The following ZNF608 variants were observed in gnomAD, a reference collection of about 807,000 sequenced individuals.
The protein encoded by ZNF608 is renal carcinoma antigen NY-REN-36.
In ZNF608, 12 loss-of-function variants were observed where a neutral mutation model predicts 109.0. The ratio of observed to expected loss-of-function variants is 0.11; its 90% CI spans 0.07 to 0.18. The LOEUF (loss-of-function observed/expected upper bound fraction) is 0.18. Among genes scored for constraint, ZNF608 ranks in the 10% least tolerant of loss-of-function variants. The pLI, the probability that ZNF608 is intolerant of heterozygous loss-of-function variation, is 1.00. For synonymous variants in ZNF608, 732 were observed against 717.4 expected (o/e 1.02, Z -0.33); for missense variants, 1,707 against 1,879.3 (o/e 0.91, Z 1.70).
intron 3 of ZNF608, among the ~76,000 whole-genome samples, chr5:124,679,484 C>T (rs1045428650): frequency 6.7e-6 from 1 of 148,580 alleles, no homozygotes; most frequent in African/African-American, 2.5e-5. Context: ...TCAGACAACA[C>T]ATATTTATTG....
intron 3 of ZNF608, among the ~76,000 whole-genome samples, chr5:124,687,242 A>G (rs566331304): frequency 2.4e-4 from 37 of 152,322 alleles, no homozygotes; most frequent in Admixed American, 1.4e-3. Context: ...CAGTTTTTCC[A>G]TAAGAATAAT....
At chr5:124,736,237 A>G (rs1043848540) in intron 2 of ZNF608, among the ~76,000 whole-genome samples, 7 of 152,256 alleles carry the variant, frequency 4.6e-5, no homozygotes, top group Admixed American at 6.5e-5. Flanking sequence ...ATAAGCCTAT[A>G]ATAAAGCACA....
At chr5:124,674,044 A>G (rs1255254988) in intron 3 of ZNF608, among the ~76,000 whole-genome samples, 1 of 152,184 alleles carries the variant, frequency 6.6e-6, no homozygotes, top group Non-Finnish European at 1.5e-5. Context: ...ATAATTCTAG[A>G]AGTGGAATAT....
At chr5:124,746,689 A>G, upstream of ZNF608, 1 of 985,374 alleles carries the variant, frequency 1.0e-6, no homozygotes, top group Non-Finnish European at 1.2e-6. Flanking sequence ...GGAAGAAAGA[A>G]TAAGAAGAAA....
chr5:124,733,408 G>C (rs1184056514), intron 2 of ZNF608, among the ~76,000 whole-genome samples: 2 of 152,042 alleles, frequency 1.3e-5, no homozygotes, highest in African/African-American at 2.4e-5. Context: ...ACAATGAGGA[G>C]CTGTGTGTAG....
chr5:124,711,892 G>T (rs2149867272), intron 2 of ZNF608, among the ~76,000 whole-genome samples: 1 of 152,284 alleles, frequency 6.6e-6, no homozygotes, highest in South Asian at 2.1e-4. Flanking sequence ...TAAAGTAGGG[G>T]CACGGAAGGA....
rs778245951 is a variant in ZNF608 at position 124,744,490 on chromosome 5, C to A, written c.500G>T (p.Ser167Ile). Residue 167 changes from serine to isoleucine, a missense_variant, in exon 2 of 10, where the codon AGC (serine) becomes ATC (isoleucine). Ser to Ile is a moderately radical substitution (Grantham distance 142). This residue lies in a region of ZNF608 where 407 missense variants were observed against 398.7 expected (regional missense o/e 1.02). Transcript: ENST00000513986. This position sits in a 1 kb window ranked among gnomAD's most constrained non-coding sequence, Gnocchi z 4.5. ...AGAGGTGCTGGTGCTGGTACTATTG[C>A]TGTTTGGGTTGCCGCTGCCGCCGCT... The part of the protein sequence containing the change: ...VSSGGSGNPN[S>I]NSTSTSTSAA... The A allele has an allele frequency of 1.9e-6, 3 of 1,614,094 alleles. No individual in the cohort carries two copies. The highest frequency in any genetic ancestry group is 2.5e-6 in the Non-Finnish European group (3 of 1,180,046).
intron 7 of ZNF608, among the ~76,000 whole-genome samples, chr5:124,643,254 C>T (rs1750329156): frequency 6.6e-6 from 1 of 152,094 alleles, no homozygotes; most frequent in South Asian, 2.1e-4. Flanking sequence ...ACCTAACAAC[C>T]ATCCTCCTGG....
At chr5:124,682,761 T>C (rs146902261) in intron 3 of ZNF608, among the ~76,000 whole-genome samples, 51 of 152,298 alleles carry the variant, frequency 3.3e-4, no homozygotes, top group Non-Finnish European at 6.5e-4. Flanking sequence ...TTAGAAAAGG[T>C]AATCATAGAA....
intron 3 of ZNF608, among the ~76,000 whole-genome samples, chr5:124,680,349 CAA>C (rs71679269): frequency 0.2 from 27,316 of 135,986 alleles, 2,466 homozygotes; most frequent in Admixed American, 0.21. Flanking sequence ...ATTATGGCCA[CAA>C]AAAAAAAAAA....
intron 2 of ZNF608, among the ~76,000 whole-genome samples, chr5:124,740,485 C>A (rs1213521193): frequency 6.9e-6 from 1 of 145,282 alleles, no homozygotes. Flanking sequence ...ACACTCTAGG[C>A]AGAATTCATA....
At chr5:124,733,217 C>CTTTTTTTTTTTTTTTTTTTTTTTT (rs67421322) in intron 2 of ZNF608, among the ~76,000 whole-genome samples, 1 of 117,584 alleles carries the variant, frequency 8.5e-6, no homozygotes, top group African/African-American at 3.4e-5. Context: ...ATCTCTCTCT[C>CTTTTTTTTTTTTTTTTTTTTTTTT]TTTTTTTTTT....
chr5:124,652,519 C>A (rs143781784), intron 3 of ZNF608, among the ~76,000 whole-genome samples: 1 of 152,238 alleles, frequency 6.6e-6, no homozygotes, highest in East Asian at 1.9e-4. Flanking sequence ...TTAAATCTGC[C>A]CACAATTCAC....
At chr5:124,726,197 C>T (rs1349111364) in intron 2 of ZNF608, among the ~76,000 whole-genome samples, 1 of 152,186 alleles carries the variant, frequency 6.6e-6, no homozygotes, top group African/African-American at 2.4e-5. Flanking sequence ...TCTTCCCCCT[C>T]AATGGACACG....
At position 124,714,133 on chromosome 5, in the gene ZNF608, T is replaced by A. The variant is rs566576404; in HGVS notation, c.907-12864A>T. Among the ~76,000 whole-genome samples the A allele has an allele frequency of 2.3e-4, 35 of 151,258 alleles. No individual in the cohort carries two copies. In the South Asian group the frequency reaches 3.6e-3, roughly 16 times the overall value. ...GAGCTGACAAAGAAGTAAACTTTTTTAAAAAAAACAACATTGTCAATCTAT... is the reference window on the plus strand; with the variant it reads ...GAGCTGACAAAGAAGTAAACTTTTTAAAAAAAAACAACATTGTCAATCTAT... On this transcript the variant is annotated intron_variant, in intron 2 of 9. Transcript: ENST00000513986.
rs749520747 is a variant in ZNF608 at position 124,644,490 on chromosome 5, C to T, written c.3877G>A (p.Glu1293Lys). Reference protein sequence around the residue: ...SLPVSLTSIKEEPKEAKHPDS... With the variant: ...SLPVSLTSIKKEPKEAKHPDS... The stretch of plus-strand genomic sequence containing the variant: ...GGATGCTTGGCCTCTTTGGGCTCCT[C>T]TTTAATGCTTGTTAACGATACAGGA... The change falls in exon 6 of 10, where the codon GAG (glutamate) becomes AAG (lysine). Residue 1293 changes from glutamate (E) to lysine (K), a missense_variant. This residue lies in a region of ZNF608 where 1,073 missense variants were observed against 1,133.5 expected (regional missense o/e 0.95). Transcript: ENST00000513986. 6.2e-7 allele frequency: 1 copy of T among 1,614,138 alleles called. No individual in the cohort carries two copies. Among genetic ancestry groups the T allele is most frequent in the Non-Finnish European group, 8.5e-7 (1 of 1,180,034 alleles).
In ZNF608 at chr5:124,649,690, T is replaced by C. The variant is rs778407696; in HGVS notation, c.1170A>G (p.Leu390=). 6.3e-6 allele frequency: 10 copies of C among 1,593,904 alleles called. No individual in the cohort carries two copies. In the African/African-American group the frequency reaches 8.1e-5, roughly 13 times the overall value. ...IVWHETEEGV[L]VVNVTWRNKT... is the part of the protein sequence containing the mutation. The stretch of plus-strand genomic sequence containing the variant: ...TGTTCCTCCACGTGACATTGACCAC[T>C]AGGACACCTGCAGGAGGCAGGGGAT... Residue 390 remains leucine, a synonymous_variant, in exon 4 of 10, where the codon CTA becomes CTG. Transcript: ENST00000513986.
At position 124,647,143 on chromosome 5, in the gene ZNF608, CATA is replaced by C; in HGVS notation, c.3238_3240del (p.Tyr1080del). ...ATATAGAGCCCATATGCATACTGGCCATAATAAAGTGACTGAGCCAGGGCAGGA... is the reference window on the plus strand; with the variant it reads ...ATATAGAGCCCATATGCATACTGGCCATAAAGTGACTGAGCCAGGGCAGGA... On this transcript the variant is annotated inframe_deletion, in exon 5 of 10. Transcript: ENST00000513986. The C allele has an allele frequency of 6.2e-7, 1 of 1,614,150 alleles. No homozygotes were observed. The highest frequency in any genetic ancestry group is 8.5e-7 in the Non-Finnish European group (1 of 1,180,032).
At chr5:124,719,787 A>G (rs969567378) in intron 2 of ZNF608, among the ~76,000 whole-genome samples, 1 of 152,180 alleles carries the variant, frequency 6.6e-6, no homozygotes, top group Non-Finnish European at 1.5e-5. Context: ...TCCTGGAGAG[A>G]GAGTCCATAC....
Sources: gnomAD v4.1 joint callset for allele counts (sites outside exome capture counted in the v4.1 genomes callset) on GRCh38, gnomAD v4.1.1 for gene constraint, gnomAD v4.1.1 regional missense constraint, Gnocchi (gnomAD v3.1) non-coding constraint, MANE v1.5 for transcripts, NCBI Gene and HGNC (gene_info 2026-07-23, HGNC 2026-07-21) for gene names.